Variants in ATL2 observed in about 807,000 individuals in gnomAD.
ATL2 encodes the protein atlastin-2.
ATL2 carries 31 observed loss-of-function variants against 73.9 expected under a neutral mutation model. The observed-to-expected ratio is 0.42, with a 90% confidence interval of 0.32 to 0.57. The LOEUF is 0.57. Among genes scored for constraint, ATL2 ranks in the 20% least tolerant of loss-of-function variants. The probability of loss-of-function intolerance (pLI) is 0.14; values close to 1 mark genes in which losing one functional copy is unlikely to be tolerated. For missense variants in ATL2, 738 were observed against 702.6 expected, an observed-to-expected ratio of 1.05 and a Z score of -0.57; for synonymous variants, 291 against 237.5, an observed-to-expected ratio of 1.23 and a Z score of -2.07.
At chr2:38,367,779 CTT>C (rs1396314244) in intron 1 of ATL2, among the ~76,000 whole-genome samples, 42 of 150,800 alleles carry the variant, frequency 2.8e-4, no homozygotes, top group African/African-American at 9.7e-4. Flanking sequence ...ATTACAGGCG[CTT>C]GCCACCATGC....
chr2:38,364,597 C>A (rs1306372441), intron 1 of ATL2, among the ~76,000 whole-genome samples: 1 of 152,190 alleles, frequency 6.6e-6, no homozygotes, highest in East Asian at 1.9e-4. Context: ...TATAAAACGA[C>A]AATGTACTAC....
rs1003895639 is a variant in ATL2, at chr2:38,352,097, C to T, written c.119-8585G>A. 9.0e-4 allele frequency among the ~76,000 whole-genome samples: 79 copies of T among 87,602 alleles called. 1 individual carries two copies. The highest frequency in any genetic ancestry group is 3.2e-3 in the African/African-American group (76 of 23,500). The allele number at this position is 87,602 out of a possible 152,430, so 57.5% of individuals were successfully genotyped here. On this transcript the variant is annotated intron_variant, in intron 1 of 12. Transcript: ENST00000378954. ...TTGCACTCCAGCCTGGGCGACAGAG[C>T]AAAACTCTGTTTCAAAAACAAACAA...
chr2:38,330,845 C>A (rs1484563160), intron 2 of ATL2, among the ~76,000 whole-genome samples: 2 of 152,178 alleles, frequency 1.3e-5, no homozygotes, highest in Non-Finnish European at 2.9e-5. Context: ...AGAATCCCAG[C>A]TAACTTCTTG....
chr2:38,358,770 TA>T (rs1670834582), intron 1 of ATL2: 1 of 155,372 alleles, frequency 6.4e-6, no homozygotes, highest in South Asian at 1.7e-4. Context: ...TTAGCTCTAT[TA>T]AACTATTAGT....
intron 1 of ATL2, chr2:38,376,245 C>T: frequency 6.9e-7 from 1 of 1,443,564 alleles, no homozygotes; most frequent in South Asian, 1.4e-5. Context: ...ACGCTAAACT[C>T]CTATAAATAG....
At chr2:38,345,874 AG>A (rs1438211424) in intron 1 of ATL2, among the ~76,000 whole-genome samples, 109 of 152,366 alleles carry the variant, frequency 7.2e-4, no homozygotes, top group African/African-American at 2.5e-3. Context: ...TGTGTCAAAC[AG>A]GCATAGCATT....
intron 1 of ATL2, among the ~76,000 whole-genome samples, chr2:38,344,085 A>T (rs914715771): frequency 4.6e-5 from 7 of 152,200 alleles, no homozygotes; most frequent in African/African-American, 1.7e-4. Flanking sequence ...CAATAATACT[A>T]AATATGGCCT....
intron 2 of ATL2, among the ~76,000 whole-genome samples, chr2:38,335,455 G>A (rs1460070687): frequency 6.6e-6 from 1 of 152,100 alleles, no homozygotes; most frequent in Non-Finnish European, 1.5e-5. Context: ...GCATACACCA[G>A]CCTTAATGCT....
At chr2:38,313,911 T>C (rs529056790) in intron 6 of ATL2, among the ~76,000 whole-genome samples, 7 of 152,290 alleles carry the variant, frequency 4.6e-5, no homozygotes, top group Non-Finnish European at 7.3e-5. Flanking sequence ...AAAAAACTGA[T>C]ATAGGCCAAA....
chr2:38,349,978 T>C (rs537613898), intron 1 of ATL2, among the ~76,000 whole-genome samples: 1 of 152,270 alleles, frequency 6.6e-6, no homozygotes, highest in Admixed American at 6.5e-5. Flanking sequence ...ATGGACTAAA[T>C]ACAGATAAAG....
chr2:38,361,695 T>C (rs1373091781), intron 1 of ATL2, among the ~76,000 whole-genome samples: 5 of 152,194 alleles, frequency 3.3e-5, no homozygotes, highest in Non-Finnish European at 7.3e-5. Context: ...TTTTGTAAGT[T>C]TGAAATACAT....
chr2:38,319,592 C>T (rs1220583411), intron 2 of ATL2, among the ~76,000 whole-genome samples: 2 of 134,598 alleles, frequency 1.5e-5, no homozygotes, highest in Non-Finnish European at 3.2e-5. Context: ...GAGTGAGATC[C>T]TGCCTCAAAA....
intron 1 of ATL2, among the ~76,000 whole-genome samples, chr2:38,365,816 G>GT (rs1671290481): frequency 1.3e-5 from 2 of 151,978 alleles, no homozygotes; most frequent in South Asian, 4.2e-4. Context: ...GTGTGGTGGT[G>GT]TGTACCTAAA....
chr2:38,348,376 G>C (rs1421154385), intron 1 of ATL2, among the ~76,000 whole-genome samples: 1 of 151,594 alleles, frequency 6.6e-6, no homozygotes, highest in African/African-American at 2.4e-5. Flanking sequence ...TGAGGGAGGA[G>C]AATTGCTTGA....
At chr2:38,305,789 T>G (rs1667419063) in intron 9 of ATL2, among the ~76,000 whole-genome samples, 1 of 152,048 alleles carries the variant, frequency 6.6e-6, no homozygotes, top group South Asian at 2.1e-4. Context: ...TAAGCAGTAC[T>G]AAGAAACTAT....
intron 7 of ATL2, 97 bp from the exon 8 acceptor site, chr2:38,310,544 A>C: frequency 9.7e-7 from 1 of 1,027,618 alleles, no homozygotes; most frequent in South Asian, 2.0e-5. Flanking sequence ...ATGCACACTT[A>C]ACTCAGATGG....
rs74533774 is a variant in ATL2 at position 38,371,205 on chromosome 2, A to G, written c.118+5938T>C. On this transcript the variant is annotated intron_variant, in intron 1 of 12. Coordinates refer to ENST00000378954, the MANE Select transcript of ATL2 (RefSeq NM_001135673.4). The stretch of plus-strand genomic sequence containing the variant: ...AGGGTTTATCTCTTTAATTAAAAAA[A>G]AAAAAAAGAAAGAAAGAAATGGCTG... Among the ~76,000 whole-genome samples the G allele has an allele frequency of 7.0e-3, 1,068 of 151,992 alleles. 11 individuals carry two copies. Among genetic ancestry groups the G allele is most frequent in the East Asian group, 0.058 (299 of 5,182 alleles).
At chr2:38,319,614 AAAG>A (rs1190342188) in intron 2 of ATL2, among the ~76,000 whole-genome samples, 7 of 146,020 alleles carry the variant, frequency 4.8e-5, no homozygotes, top group African/African-American at 2.0e-4. Flanking sequence ...CAAAAAAAAA[AAAG>A]AGAGAGAGAG....
intron 2 of ATL2, among the ~76,000 whole-genome samples, chr2:38,340,690 A>G (rs1019673574): frequency 2.0e-5 from 3 of 152,146 alleles, no homozygotes; most frequent in African/African-American, 7.2e-5. Context: ...CAACTACCCC[A>G]TTATTTCTCC....
Sources: allele counts gnomAD v4.1 joint callset (sites outside exome capture counted in the v4.1 genomes callset), GRCh38; gene constraint gnomAD v4.1.1; transcripts MANE v1.5; gene names NCBI Gene and HGNC (gene_info 2026-07-23, HGNC 2026-07-21).